RP9: variants seen among roughly 807,000 people sequenced by gnomAD.
RP9 encodes RP9 pre-mRNA splicing factor, also known as retinitis pigmentosa 9 protein.
RP9 carries 23 observed loss-of-function variants against 32.6 expected under a neutral mutation model. The observed-to-expected ratio is 0.71, with a 90% confidence interval of 0.51 to 1.00. RP9 has a LOEUF of 1.00. Among genes scored for constraint, RP9 ranks in the 50% least tolerant of loss-of-function variants. RP9 has a pLI of 0.00. For missense variants in RP9, 245 were observed against 285.3 expected (o/e 0.86, Z 1.02); for synonymous variants, 94 against 103.6 (o/e 0.91, Z 0.56).
intron 3 of RP9, 101 bp downstream of exon 3, chr7:33,099,206 A>T: frequency 7.2e-7 from 1 of 1,380,902 alleles, no homozygotes; most frequent in Non-Finnish European, 1.0e-6. Context: ...CCTTGGCTGT[A>T]AGAGGGCTGT....
At chr7:33,095,556 T>A (rs1284621453) in intron 5 of RP9, 124 bp from the exon 6 acceptor site, 1 of 1,495,978 alleles carries the variant, frequency 6.7e-7, no homozygotes, top group African/African-American at 1.4e-5. Context: ...AAGACAGTAT[T>A]TTTATTTTTA....
At position 33,095,078 on chromosome 7, in the gene RP9, G is replaced by C; in HGVS notation, c.*156C>G. ...TGGAAGGAGACACTCCCTCTCCTGG[G>C]GTCACATCTTCACTGCAAGGCGGGT... On this transcript the variant is annotated 3_prime_UTR_variant, in exon 6 of 6. Coordinates refer to ENST00000297157, the MANE Select transcript of RP9 (RefSeq NM_203288.2). The C allele has an allele frequency of 1.5e-6, 1 of 651,230 alleles. No individual in the cohort carries two copies. Among genetic ancestry groups the C allele is most frequent in the South Asian group, 1.9e-5 (1 of 51,672 alleles). 40.3% of individuals were successfully genotyped at this position (651,230 alleles called of 1,614,324 possible). A position where few individuals can be genotyped will look rare whatever the true frequency, so the allele number is the denominator to read the frequency against.
At chr7:33,098,988 A>C (rs1788384497) in intron 3 of RP9, 1 of 430,736 alleles carries the variant, frequency 2.3e-6, no homozygotes, top group Non-Finnish European at 4.3e-6. Context: ...TGACATAACA[A>C]AATGCCGTAT....
chr7:33,100,497 G>C (rs888456985), intron 2 of RP9, 34 bp downstream of exon 2: 1 of 1,575,868 alleles, frequency 6.3e-7, no homozygotes, highest in Non-Finnish European at 8.7e-7. Flanking sequence ...AGTATGTCTT[G>C]TGGAATAACC....
At chr7:33,099,177 C>G (rs1373620765) in intron 3 of RP9, 130 bp downstream of exon 3, 1 of 1,071,398 alleles carries the variant, frequency 9.3e-7, no homozygotes, top group Admixed American at 1.7e-5. Flanking sequence ...GCTTCCTTAT[C>G]TAGAAGATGG....
chr7:33,096,589 C>T lies in RP9; in HGVS notation c.406-35G>A, dbSNP rs201057021. On this transcript the variant is annotated intron_variant, in intron 4 of 5. Transcript: ENST00000297157. ...CAGAGAAGGTTAAGGTTTGGTTAGG[C>T]TTCATGGATCACAAGTTAAATACAA... 1.3e-4 allele frequency: 175 copies of T among 1,398,858 alleles called. 1 individual carries two copies. In the East Asian group the frequency reaches 2.4e-3, roughly 19 times the overall value. 86.7% of individuals were successfully genotyped at this position (1,398,858 alleles called of 1,614,324 possible).
At chr7:33,098,982 A>G (rs982553131) in intron 3 of RP9, 1 of 420,550 alleles carries the variant, frequency 2.4e-6, no homozygotes, top group African/African-American at 2.0e-5. Flanking sequence ...TCGGGCTGAC[A>G]TAACAAAATG....
chr7:33,108,658 C>A (rs982040987), intron 1 of RP9, among the ~76,000 whole-genome samples: 1 of 152,196 alleles, frequency 6.6e-6, no homozygotes, highest in Non-Finnish European at 1.5e-5. Context: ...ACAAAGCAAC[C>A]TTTATTCACC....
intron 3 of RP9, 84 bp from the exon 4 acceptor site, chr7:33,097,446 T>A (rs1010145062): frequency 2.0e-6 from 2 of 981,050 alleles, no homozygotes; most frequent in African/African-American, 3.2e-5. Context: ...ATTCAAGTTT[T>A]TCTTCATTAA....
chr7:33,100,745 G>A (rs532319285), intron 1 of RP9, 184 bp from the exon 2 acceptor site: 20 of 705,052 alleles, frequency 2.8e-5, no homozygotes, highest in Middle Eastern at 4.6e-4. Context: ...TGTGCTGAGC[G>A]GCACCTGCCA....
In RP9 at chr7:33,097,290, T is replaced by G. The variant is rs150971445; in HGVS notation, c.386A>C (p.Lys129Thr). ...ECPFFIKGNQ[K>T]LEQFRVAHED... ...ACTTACCACTCTGAACTGCTCTAACTTTTGGTTGCCTTTGATAAAGAAAGG... is the reference window on the plus strand; with the variant it reads ...ACTTACCACTCTGAACTGCTCTAACGTTTGGTTGCCTTTGATAAAGAAAGG... The change falls in exon 4 of 6, where the codon AAG becomes ACG. Residue 129 changes from lysine (K) to threonine (T), a missense_variant. This residue lies in a region of RP9 where 63 missense variants were observed against 109.8 expected (regional missense o/e 0.57). Coordinates refer to ENST00000297157, the MANE Select transcript of RP9 (RefSeq NM_203288.2). 7 of 1,613,480 alleles carry G rather than the reference T, an allele frequency of 4.3e-6. No homozygotes were observed. In the African/African-American group the frequency reaches 8.0e-5, roughly 18 times the overall value.
intron 1 of RP9, among the ~76,000 whole-genome samples, chr7:33,106,255 CCTCCCAGGCTCAAG>C (rs1286812232): frequency 1.3e-5 from 2 of 151,944 alleles, no homozygotes; most frequent in Non-Finnish European, 2.9e-5. Flanking sequence ...GCAGCCTCAA[CCTCCCAGGCTCAAG>C]CAGATCTTCC....
chr7:33,100,070 G>A, intron 2 of RP9: 1 of 193,846 alleles, frequency 5.2e-6, no homozygotes, highest in Non-Finnish European at 1.1e-5. Context: ...TCTCCCTCGT[G>A]CACACACACC....
In RP9 at chr7:33,109,024, C is replaced by T. The variant is rs1788542086; in HGVS notation, c.152+197G>A. ...GCGGCAGTTGGCTCCCTGAACGCCC[C>T]GCCAGGAGGATGGACTTCAAGTCCT... On this transcript the variant is annotated intron_variant, in intron 1 of 5. Coordinates refer to ENST00000297157, the MANE Select transcript of RP9 (RefSeq NM_203288.2). The surrounding 1 kb of genome is among the most constrained non-coding windows in gnomAD (Gnocchi z 4.9). Among the ~76,000 whole-genome samples the T allele has an allele frequency of 6.6e-6, 1 of 152,100 alleles. No homozygotes were observed. The highest frequency in any genetic ancestry group is 2.4e-5 in the African/African-American group (1 of 41,432).
chr7:33,102,489 C>T (rs1197506041), intron 1 of RP9, among the ~76,000 whole-genome samples: 2 of 152,024 alleles, frequency 1.3e-5, no homozygotes, highest in Admixed American at 6.6e-5. Context: ...AGTTAATTCT[C>T]AAGATAAAAA....
rs1460110879 is a variant in RP9, at chr7:33,096,458, T to C, written c.467+35A>G. 4 of 1,488,310 alleles carry C rather than the reference T, an allele frequency of 2.7e-6. No individual in the cohort carries two copies. In the South Asian group the frequency reaches 4.5e-5, roughly 17 times the overall value. 92.2% of individuals were successfully genotyped at this position (1,488,310 alleles called of 1,614,324 possible). A position where few individuals can be genotyped will look rare whatever the true frequency, so the allele number is the denominator to read the frequency against. ...TCCAACTTTATATAATTTTAAAACT[T>C]TAAGGGGATATTGTTATCATCAGGA... is the stretch of plus-strand genomic sequence containing the variant. On this transcript the variant is annotated intron_variant, in intron 5 of 5. Coordinates refer to ENST00000297157, the MANE Select transcript of RP9 (RefSeq NM_203288.2).
intron 1 of RP9, among the ~76,000 whole-genome samples, chr7:33,101,439 T>C (rs1008163865): frequency 1.3e-5 from 2 of 151,808 alleles, no homozygotes; most frequent in Non-Finnish European, 2.9e-5. Context: ...CCGTCTCTAC[T>C]AAAAATACAA....
chr7:33,105,862 G>A (rs1315789356), intron 1 of RP9, among the ~76,000 whole-genome samples: 2 of 152,098 alleles, frequency 1.3e-5, no homozygotes, highest in Non-Finnish European at 2.9e-5. Context: ...CTTTGTCAAC[G>A]TTCCCATGTC....
intron 1 of RP9, among the ~76,000 whole-genome samples, chr7:33,101,046 T>C (rs1788416834): frequency 6.6e-6 from 1 of 151,844 alleles, no homozygotes; most frequent in Non-Finnish European, 1.5e-5. Context: ...TCGTGTTGCC[T>C]AGGCTGGTCT....
Sources: gnomAD v4.1 joint callset for allele counts (sites outside exome capture counted in the v4.1 genomes callset) on GRCh38, gnomAD v4.1.1 for gene constraint, gnomAD v4.1.1 regional missense constraint, Gnocchi (gnomAD v3.1) non-coding constraint, MANE v1.5 for transcripts, NCBI Gene and HGNC (gene_info 2026-07-23, HGNC 2026-07-21) for gene names.